MYO3B: variants seen among roughly 807,000 people sequenced by gnomAD.
MYO3B encodes the protein myosin-IIIb.
A neutral mutation model predicts 174.6 loss-of-function variants in MYO3B; 156 were observed. That is an observed-to-expected ratio of 0.89 (90% CI 0.78 to 1.02). MYO3B has a LOEUF of 1.02. Among genes scored for constraint, MYO3B ranks in the 50% least tolerant of loss-of-function variants. The probability of loss-of-function intolerance (pLI) is 0.00; values close to 1 mark genes in which losing one functional copy is unlikely to be tolerated. For synonymous variants in MYO3B, 563 were observed against 569.1 expected (o/e 0.99, Z 0.15); for missense variants, 1,632 against 1,639.4 (o/e 1.00, Z 0.08).
At position 170,377,364 on chromosome 2, in the gene MYO3B, C is replaced by T. The variant is rs1214788156; in HGVS notation, c.972-4652C>T. On this transcript the variant is annotated intron_variant, in intron 9 of 34. Coordinates refer to ENST00000408978, the MANE Select transcript of MYO3B (RefSeq NM_138995.5). ...GCTGGGCCAAAGATTTGAACAAAGA[C>T]CCCCATCCTCTACCTCATCTATGCC... Among the ~76,000 whole-genome samples the T allele has an allele frequency of 3.3e-5, 5 of 152,322 alleles. No individual in the cohort carries two copies. The South Asian group carries it at 1.0e-3, about 32-fold the overall frequency.
At chr2:170,625,421 A>G (rs945398738) in intron 32 of MYO3B, among the ~76,000 whole-genome samples, 17 of 152,138 alleles carry the variant, frequency 1.1e-4, no homozygotes, top group African/African-American at 3.9e-4. Context: ...TATGCCCTTT[A>G]TCACATCTAT....
chr2:170,601,005 C>A (rs1296060266), intron 32 of MYO3B, among the ~76,000 whole-genome samples: 1 of 151,962 alleles, frequency 6.6e-6, no homozygotes, highest in Non-Finnish European at 1.5e-5. Context: ...TTAACTTTAC[C>A]CCCATTATGA....
intron 3 of MYO3B, among the ~76,000 whole-genome samples, chr2:170,213,542 C>T (rs944168824): frequency 2.6e-5 from 4 of 152,178 alleles, no homozygotes; most frequent in Admixed American, 6.5e-5. Context: ...GGCCTGGTTT[C>T]GGGTCTGGTT....
rs1459071022 is a variant in MYO3B, at chr2:170,648,714, TATA to T, written c.3734-2910_3734-2908del. On this transcript the variant is annotated intron_variant, in intron 32 of 34. Transcript: ENST00000408978. ...TCTATATAATATATATTATATTCTA[TATA>T]ATATGTAAAATATATATTATATTCT... Among the ~76,000 whole-genome samples, 198 of 122,198 alleles carry T rather than the reference TATA, an allele frequency of 1.6e-3. 2 individuals carry two copies. Among genetic ancestry groups the T allele is most frequent in the Middle Eastern group, 4.3e-3 (1 of 230 alleles). The allele number at this position is 122,198 out of a possible 152,430, so 80.2% of individuals were successfully genotyped here.
intron 32 of MYO3B, 141 bp downstream of exon 32, chr2:170,544,129 G>A: frequency 7.1e-6 from 4 of 559,636 alleles, no homozygotes; most frequent in Non-Finnish European, 1.3e-5. Context: ...CATACATGCT[G>A]GATGTAAAAC....
At chr2:170,240,808 G>A (rs1303776799) in intron 7 of MYO3B, among the ~76,000 whole-genome samples, 2 of 152,172 alleles carry the variant, frequency 1.3e-5, no homozygotes, top group Non-Finnish European at 1.5e-5. Flanking sequence ...TGTCTTAGGT[G>A]AACATAGGCT....
In MYO3B at chr2:170,329,259, G is replaced by GTGTA. The variant is rs918829938; in HGVS notation, c.750-6125_750-6124insGTAT. 3.1e-3 allele frequency among the ~76,000 whole-genome samples: 464 copies of GTGTA among 149,258 alleles called. 2 individuals are homozygous for GTGTA. The highest frequency in any genetic ancestry group is 0.014 in the Middle Eastern group (4 of 292). On this transcript the variant is annotated intron_variant, in intron 7 of 34. Transcript: ENST00000408978. Reference sequence around the variant, plus strand: ...TGTGTGTGTGTGTGTGTGTGTGTGTGTATATATATAAAATATTTATAGCAG... The same window carrying GTGTA: ...TGTGTGTGTGTGTGTGTGTGTGTGTGTGTATATATATATAAAATATTTATAGCAG...
At chr2:170,644,298 T>G (rs1417505336) in intron 32 of MYO3B, among the ~76,000 whole-genome samples, 3 of 151,816 alleles carry the variant, frequency 2.0e-5, no homozygotes, top group Non-Finnish European at 4.4e-5. Context: ...TTTTTTTTTC[T>G]TTTTTGAGAT....
intron 1 of MYO3B, among the ~76,000 whole-genome samples, chr2:170,195,175 G>T (rs918683719): frequency 1.3e-5 from 2 of 151,928 alleles, no homozygotes; most frequent in African/African-American, 2.4e-5. Context: ...GTAGAAGAGG[G>T]CAGTCACCTG....
At chr2:170,623,354 G>C (rs1275757370) in intron 32 of MYO3B, among the ~76,000 whole-genome samples, 2 of 152,154 alleles carry the variant, frequency 1.3e-5, no homozygotes, top group Non-Finnish European at 2.9e-5. Flanking sequence ...TATGTTTGTT[G>C]GCTGCATAAA....
intron 30 of MYO3B, among the ~76,000 whole-genome samples, chr2:170,538,749 G>A (rs79171033): frequency 8.6e-4 from 131 of 152,274 alleles, no homozygotes; most frequent in Non-Finnish European, 6.0e-4. Context: ...TCAGCGAAGC[G>A]GTCGAGCCCT....
intron 32 of MYO3B, among the ~76,000 whole-genome samples, chr2:170,563,596 G>A (rs1453282883): frequency 6.6e-6 from 1 of 152,132 alleles, no homozygotes; most frequent in Non-Finnish European, 1.5e-5. Flanking sequence ...CTTCAGTTAG[G>A]AATTAGTCTG....
intron 32 of MYO3B, chr2:170,643,613 G>C (rs1698147226): frequency 6.6e-6 from 1 of 152,180 alleles, no homozygotes; most frequent in African/African-American, 2.4e-5. Context: ...TGAACACTCT[G>C]TTTGCTTAAA....
intron 3 of MYO3B, among the ~76,000 whole-genome samples, chr2:170,200,806 C>T (rs1338600262): frequency 6.6e-6 from 1 of 152,174 alleles, no homozygotes; most frequent in African/African-American, 2.4e-5. Context: ...AGACACTGAA[C>T]AGCAATATGG....
At chr2:170,180,434 C>T (rs2092384066) in intron 1 of MYO3B, among the ~76,000 whole-genome samples, 1 of 152,152 alleles carries the variant, frequency 6.6e-6, no homozygotes, top group African/African-American at 2.4e-5. Flanking sequence ...CTTTGTCTCA[C>T]TCTCTCAAGC....
chr2:170,559,776 C>T (rs545179077), intron 32 of MYO3B, among the ~76,000 whole-genome samples: 1 of 152,260 alleles, frequency 6.6e-6, no homozygotes, highest in East Asian at 1.9e-4. Flanking sequence ...TGCCTGAGCA[C>T]TGCCCACCAC....
chr2:170,191,042 C>T (rs2092534319), intron 1 of MYO3B, among the ~76,000 whole-genome samples: 2 of 151,908 alleles, frequency 1.3e-5, no homozygotes, highest in South Asian at 4.2e-4. Context: ...GGCCCAAGTG[C>T]TCTTATTAGC....
intron 7 of MYO3B, among the ~76,000 whole-genome samples, chr2:170,312,755 G>T (rs142543754): frequency 3.2e-4 from 48 of 152,348 alleles, no homozygotes; most frequent in African/African-American, 9.9e-4. Flanking sequence ...TTAGAGGCCA[G>T]TTGAAATCAC....
rs10190672 is a variant in MYO3B, at chr2:170,300,728, G to A, written c.750-34657G>A. 7.0e-3 allele frequency among the ~76,000 whole-genome samples: 1,063 copies of A among 152,268 alleles called. 12 individuals carry two copies. Among genetic ancestry groups the A allele is most frequent in the African/African-American group, 0.025 (1,027 of 41,546 alleles). ...ATTTTCACCTTGGCACATCCAGTCTGCAACCAGCTTCAAGTGCTCATGAAA... is the reference window on the plus strand; with the variant it reads ...ATTTTCACCTTGGCACATCCAGTCTACAACCAGCTTCAAGTGCTCATGAAA... On this transcript the variant is annotated intron_variant, in intron 7 of 34. Transcript: ENST00000408978.
Sources: gnomAD v4.1 joint callset for allele counts (sites outside exome capture counted in the v4.1 genomes callset) on GRCh38, gnomAD v4.1.1 for gene constraint, MANE v1.5 for transcripts, NCBI Gene and HGNC (gene_info 2026-07-23, HGNC 2026-07-21) for gene names.